NR6A1: variants seen among roughly 807,000 people sequenced by gnomAD.
The protein encoded by NR6A1 is nuclear receptor subfamily 6 group A member 1.
A neutral mutation model predicts 59.1 loss-of-function variants in NR6A1; 7 were observed. That is an observed-to-expected ratio of 0.12 (90% CI 0.07 to 0.22). The LOEUF (loss-of-function observed/expected upper bound fraction) is 0.22, where lower values mean the gene tolerates loss of function less well. Among genes scored for constraint, NR6A1 ranks in the 10% least tolerant of loss-of-function variants. The pLI, the probability that NR6A1 is intolerant of heterozygous loss-of-function variation, is 1.00. For missense variants in NR6A1, 468 were observed against 611.6 expected (o/e 0.77, Z 2.48); for synonymous variants, 243 against 236.1 (o/e 1.03, Z -0.27).
intron 2 of NR6A1, among the ~76,000 whole-genome samples, chr9:124,622,994 G>A (rs1408235328): frequency 6.6e-6 from 1 of 152,180 alleles, no homozygotes; most frequent in East Asian, 1.9e-4. Flanking sequence ...TAACAAGGAG[G>A]CTATGATGAA....
At position 124,747,024 on chromosome 9, in the gene NR6A1, C is replaced by T. The variant is rs535513790; in HGVS notation, c.101-13675G>A. Among the ~76,000 whole-genome samples the T allele has an allele frequency of 3.8e-4, 58 of 152,146 alleles. 1 individual carries two copies. Among genetic ancestry groups the T allele is most frequent in the African/African-American group, 1.3e-3 (54 of 41,498 alleles). On this transcript the variant is annotated intron_variant, in intron 1 of 9. Coordinates refer to ENST00000487099, the MANE Select transcript of NR6A1 (RefSeq NM_033334.4). Reference sequence around the variant, plus strand: ...TAGAAAAAAGTTAATGACAAAATGGCACTTGAATCAGACTAGTAAGGGAGG... The same window carrying T: ...TAGAAAAAAGTTAATGACAAAATGGTACTTGAATCAGACTAGTAAGGGAGG...
intron 1 of NR6A1, among the ~76,000 whole-genome samples, chr9:124,750,515 C>T (rs1840466774): frequency 6.6e-6 from 1 of 152,164 alleles, no homozygotes; most frequent in Non-Finnish European, 1.5e-5. Context: ...AATCCCAGCC[C>T]TTTGGGAGGC....
At chr9:124,662,248 C>T (rs1322582299) in intron 2 of NR6A1, among the ~76,000 whole-genome samples, 1 of 152,078 alleles carries the variant, frequency 6.6e-6, no homozygotes, top group Non-Finnish European at 1.5e-5. Context: ...AAAACTTCTT[C>T]CTAAACATAT....
rs1250209865 is a variant in NR6A1, at chr9:124,719,463, AC to A, written c.142+13844del. Among the ~76,000 whole-genome samples the A allele has an allele frequency of 2.0e-5, 3 of 152,224 alleles. No homozygotes were observed. In the East Asian group the frequency reaches 5.8e-4, roughly 29 times the overall value. On this transcript the variant is annotated intron_variant, in intron 2 of 9. Coordinates refer to ENST00000487099, the MANE Select transcript of NR6A1 (RefSeq NM_033334.4). The stretch of plus-strand genomic sequence containing the variant: ...TATCAGTTTTAATAGGTATCAGATT[AC>A]ATTTTTAAGAGTTCCCATTTTCCCA...
At chr9:124,612,918 C>T (rs1297900215) in intron 2 of NR6A1, among the ~76,000 whole-genome samples, 1 of 152,100 alleles carries the variant, frequency 6.6e-6, no homozygotes, top group African/African-American at 2.4e-5. Flanking sequence ...AAGCCAAGCC[C>T]ATGCTTTAAA....
At chr9:124,728,185 C>T (rs922134142) in intron 2 of NR6A1, among the ~76,000 whole-genome samples, 16 of 151,516 alleles carry the variant, frequency 1.1e-4, no homozygotes, top group African/African-American at 3.9e-4. Flanking sequence ...TACCACCACA[C>T]CTGGCTAATT....
chr9:124,540,421 G>A (rs1047020828), intron 4 of NR6A1, among the ~76,000 whole-genome samples: 12 of 152,170 alleles, frequency 7.9e-5, no homozygotes, highest in Non-Finnish European at 1.8e-4. Context: ...AAGCCGTGAA[G>A]CCTCAAGGTT....
At chr9:124,696,296 C>A (rs1178679242) in intron 2 of NR6A1, among the ~76,000 whole-genome samples, 2 of 151,878 alleles carry the variant, frequency 1.3e-5, no homozygotes, top group Non-Finnish European at 2.9e-5. Context: ...CTTTCTTGCA[C>A]AAGTTAGCAG....
At chr9:124,630,215 T>TG (rs937122861) in intron 2 of NR6A1, among the ~76,000 whole-genome samples, 1 of 146,068 alleles carries the variant, frequency 6.8e-6, no homozygotes, top group African/African-American at 2.5e-5. Context: ...AATCAGTTTT[T>TG]TTTTTTTTTT....
At chr9:124,629,024 G>A (rs893604643) in intron 2 of NR6A1, among the ~76,000 whole-genome samples, 2 of 152,168 alleles carry the variant, frequency 1.3e-5, no homozygotes, top group Non-Finnish European at 2.9e-5. Context: ...CAAGTGACAC[G>A]TCAAGCCAAA....
intron 1 of NR6A1, among the ~76,000 whole-genome samples, chr9:124,741,074 G>A (rs915540072): frequency 5.3e-5 from 8 of 152,118 alleles, no homozygotes; most frequent in South Asian, 4.1e-4. Flanking sequence ...CTACAATGAC[G>A]AAAATGTCAT....
At chr9:124,640,953 TAAG>T (rs951887904) in intron 2 of NR6A1, among the ~76,000 whole-genome samples, 2 of 152,064 alleles carry the variant, frequency 1.3e-5, no homozygotes, top group African/African-American at 4.8e-5. Context: ...CAAGCTAAAA[TAAG>T]AAGTTAAGAA....
At chr9:124,644,085 G>A (rs1307314082) in intron 2 of NR6A1, among the ~76,000 whole-genome samples, 2 of 151,720 alleles carry the variant, frequency 1.3e-5, no homozygotes, top group African/African-American at 4.8e-5. Flanking sequence ...ATTTTTGGTA[G>A]AGACAGGGTT....
At chr9:124,765,787 A>C (rs1388804557) in intron 1 of NR6A1, among the ~76,000 whole-genome samples, 2 of 152,264 alleles carry the variant, frequency 1.3e-5, no homozygotes, top group Non-Finnish European at 2.9e-5. Context: ...TTTTCTACAA[A>C]GGCTGCTGTT....
intron 1 of NR6A1, among the ~76,000 whole-genome samples, chr9:124,758,822 T>G (rs1351717372): frequency 6.6e-6 from 1 of 152,254 alleles, no homozygotes; most frequent in Non-Finnish European, 1.5e-5. Context: ...TCCCAGAGAA[T>G]GTGGGCAGTC....
intron 2 of NR6A1, among the ~76,000 whole-genome samples, chr9:124,639,047 A>C (rs1836699587): frequency 6.6e-6 from 1 of 152,208 alleles, no homozygotes; most frequent in South Asian, 2.1e-4. Context: ...AACACAATTG[A>C]GCACTTATGG....
intron 9 of NR6A1, 110 bp downstream of exon 9, chr9:124,524,611 G>T: frequency 8.2e-7 from 1 of 1,217,360 alleles, no homozygotes; most frequent in Non-Finnish European, 1.2e-6. Context: ...ACTCTTTCAT[G>T]CAGTTGGTGA....
At chr9:124,756,402 T>A (rs1376442418) in intron 1 of NR6A1, among the ~76,000 whole-genome samples, 1 of 152,244 alleles carries the variant, frequency 6.6e-6, no homozygotes, top group East Asian at 1.9e-4. Flanking sequence ...AAGCAAATGA[T>A]CTTCAAATGT....
At chr9:124,746,370 C>G (rs1289524575) in intron 1 of NR6A1, among the ~76,000 whole-genome samples, 1 of 152,190 alleles carries the variant, frequency 6.6e-6, no homozygotes, top group Non-Finnish European at 1.5e-5. Context: ...AGGTGGATCA[C>G]CTGAGGTCAG....
Sources: allele counts gnomAD v4.1 joint callset (sites outside exome capture counted in the v4.1 genomes callset), GRCh38; gene constraint gnomAD v4.1.1; transcripts MANE v1.5; gene names NCBI Gene and HGNC (gene_info 2026-07-23, HGNC 2026-07-21).